The following PSG9 variants were observed in gnomAD, a reference collection of about 807,000 sequenced individuals.
The protein encoded by PSG9 is pregnancy-specific beta-1-glycoprotein 9.
In PSG9, 49 loss-of-function variants were observed where a neutral mutation model predicts 41.9. That is an observed-to-expected ratio of 1.17 (90% CI 0.93 to 1.48). The LOEUF (loss-of-function observed/expected upper bound fraction) is 1.48. Ranked by LOEUF, PSG9 falls within the 40% of genes most tolerant of loss-of-function variation. The pLI, the probability that PSG9 is intolerant of heterozygous loss-of-function variation, is 0.00. For synonymous variants in PSG9, 263 were observed against 196.8 expected (o/e 1.34, Z -2.82); for missense variants, 641 against 520.3 (o/e 1.23, Z -2.26).
intron 2 of PSG9, among the ~76,000 whole-genome samples, chr19:43,265,764 G>A (rs1016878337): frequency 5.3e-5 from 8 of 152,106 alleles, no homozygotes; most frequent in African/African-American, 1.9e-4. Context: ...ATGAGTGGAT[G>A]GAGGAACTGC....
At chr19:43,258,673 C>T (rs1338100074) in intron 4 of PSG9, among the ~76,000 whole-genome samples, 184 bp downstream of exon 4, 3 of 146,018 alleles carry the variant, frequency 2.1e-5, no homozygotes, top group Non-Finnish European at 4.5e-5. Context: ...GCATCCACTC[C>T]CCTTATATTC....
At position 43,269,097 on chromosome 19, in the gene PSG9, C is replaced by T. The variant is rs563302854; in HGVS notation, c.64+271G>A. Among the ~76,000 whole-genome samples, 197 of 152,098 alleles carry T rather than the reference C, an allele frequency of 1.3e-3. 2 individuals are homozygous for T. Among genetic ancestry groups the T allele is most frequent in the African/African-American group, 4.5e-3 (188 of 41,488 alleles). ...TCGGCTAGCTGCAACTTCTGCCTCC[C>T]GGGTTCACATGATTCTCCCACCTCA... On this transcript the variant is annotated intron_variant, in intron 1 of 5. Transcript: ENST00000270077.
rs759259936 is a variant in PSG9, at chr19:43,267,934, C to A, written c.280G>T (p.Ala94Ser). 5 of 1,613,698 alleles carry A rather than the reference C, an allele frequency of 3.1e-6. No homozygotes were observed. The Admixed American group carries it at 8.3e-5, about 27-fold the overall frequency. ...TATACTGTTTCTCTTCCACTGTATG[C>A]AGGCCCATATATAATTATTTTACCA... ...VDGKIIIYGPAYSGRETVYSN... is the reference protein window; with the variant it reads ...VDGKIIIYGPSYSGRETVYSN... Residue 94 changes from alanine (A) to serine (S), a missense_variant, in exon 2 of 6, where the codon GCA becomes TCA. Transcript: ENST00000270077.
chr19:43,268,637 G>A (rs1410350584), intron 1 of PSG9, among the ~76,000 whole-genome samples: 7 of 152,106 alleles, frequency 4.6e-5, no homozygotes, highest in South Asian at 4.1e-4. Context: ...CGTGAGCTCC[G>A]TGAGGACAGG....
intron 5 of PSG9, among the ~76,000 whole-genome samples, chr19:43,253,952 T>A (rs1968357127): frequency 6.8e-6 from 1 of 146,314 alleles, no homozygotes. Flanking sequence ...GTGTCTTCCC[T>A]GATAAATTAC....
chr19:43,268,319 ATGTGTG>A (rs894205511), intron 1 of PSG9, among the ~76,000 whole-genome samples, 170 bp from the exon 2 acceptor site: 4 of 151,982 alleles, frequency 2.6e-5, no homozygotes, highest in African/African-American at 9.7e-5. Flanking sequence ...GTGTATGTGT[ATGTGTG>A]TGTGTCCTAC....
At chr19:43,258,129 T>C (rs745646000) in intron 5 of PSG9, 73 bp downstream of exon 5, 1 of 1,590,966 alleles carries the variant, frequency 6.3e-7, no homozygotes, top group Non-Finnish European at 8.5e-7. Flanking sequence ...AAAAATGTTT[T>C]CCTGACTCTT....
chr19:43,258,585 G>A (rs1568412219), intron 4 of PSG9, 129 bp from the exon 5 acceptor site: 7 of 1,422,398 alleles, frequency 4.9e-6, no homozygotes, highest in South Asian at 1.5e-5. Context: ...GTCCCTCTAT[G>A]TTCACTGAGC....
chr19:43,258,461 A>C lies in PSG9; in HGVS notation c.989-5T>G, dbSNP rs1968544861. 1 of 1,557,630 alleles carries C rather than the reference A, an allele frequency of 6.4e-7. No homozygotes were observed. The highest frequency in any genetic ancestry group is 8.6e-7 in the Non-Finnish European group (1 of 1,159,486). ...TTCTGGGGAGGTCTGGACCATCTGG[A>C]GGAAAGAGAATAAAGCCACACGTGA... On this transcript the variant is annotated splice_polypyrimidine_tract_variant and splice_region_variant and intron_variant, in intron 4 of 5. Coordinates refer to ENST00000270077, the MANE Select transcript of PSG9 (RefSeq NM_002784.5).
At position 43,259,284 on chromosome 19, in the gene PSG9, A is replaced by T; in HGVS notation, c.710-149T>A. The T allele has an allele frequency of 2.2e-6, 3 of 1,337,624 alleles. No individual in the cohort carries two copies. The South Asian group carries it at 4.3e-5, about 19-fold the overall frequency. 82.9% of individuals were successfully genotyped at this position (1,337,624 alleles called of 1,614,324 possible). Reference sequence around the variant, plus strand: ...GGTGCGTGTGTCACAAGACAGATGCATGATGATCTAAGGGCTCAAAGACTG... The same window carrying T: ...GGTGCGTGTGTCACAAGACAGATGCTTGATGATCTAAGGGCTCAAAGACTG... On this transcript the variant is annotated intron_variant, in intron 3 of 5. Transcript: ENST00000270077.
rs201771100 is a variant in PSG9 at position 43,267,946 on chromosome 19, T to G, written c.268A>C (p.Ile90Leu). Residue 90 changes from isoleucine to leucine, a missense_variant, in exon 2 of 6, where the codon ATA (isoleucine) becomes CTA (leucine). By Grantham distance (5) the Ile-to-Leu change is conservative (BLOSUM62 2). Transcript: ENST00000270077. ...ISYIVDGKII[I>L]YGPAYSGRET... ...CTTCCACTGTATGCAGGCCCATATA[T>G]AATTATTTTACCATCAACTATATAC... 239 of 1,613,660 alleles carry G rather than the reference T, an allele frequency of 1.5e-4. 3 individuals are homozygous for G. Among genetic ancestry groups the G allele is most frequent in the Non-Finnish European group, 1.9e-4 (228 of 1,179,730 alleles).
In PSG9 at chr19:43,266,439, G is replaced by C. The variant is rs144277636; in HGVS notation, c.430+1345C>G. ...ATTATGTGAGAGCTCCTGAGTGTGT[G>C]TCTCTCGCTGGGCCTGTGCTGGTGT... On this transcript the variant is annotated intron_variant, in intron 2 of 5. Coordinates refer to ENST00000270077, the MANE Select transcript of PSG9 (RefSeq NM_002784.5). Among the ~76,000 whole-genome samples, 998 of 152,078 alleles carry C rather than the reference G, an allele frequency of 6.6e-3. 14 individuals carry two copies. The highest frequency in any genetic ancestry group is 0.023 in the African/African-American group (943 of 41,402).
intron 2 of PSG9, among the ~76,000 whole-genome samples, chr19:43,267,386 G>C (rs527709394): frequency 9.9e-5 from 15 of 152,238 alleles, no homozygotes; most frequent in Admixed American, 6.5e-4. Context: ...TTAGGGACAG[G>C]GGTCTGGGGT....
intron 5 of PSG9, 147 bp from the exon 6 acceptor site, chr19:43,253,793 G>C: frequency 1.8e-6 from 1 of 543,696 alleles, no homozygotes; most frequent in Non-Finnish European, 3.2e-6. Context: ...TGGCTGGTTG[G>C]AGGATTCCCC....
chr19:43,269,252 C>T (rs749925134), intron 1 of PSG9, 116 bp downstream of exon 1: 3 of 1,549,226 alleles, frequency 1.9e-6, no homozygotes, highest in African/African-American at 2.7e-5. Context: ...GATCCACCCA[C>T]CTCAGCCTCC....
rs188942732 is a variant in PSG9 at position 43,258,315 on chromosome 19, T to G, written c.1130A>C (p.Gln377Pro). 3 of 1,592,968 alleles carry G rather than the reference T, an allele frequency of 1.9e-6. 1 individual carries two copies. In the East Asian group the frequency reaches 8.0e-5, roughly 42 times the overall value. ...AGTAATTTGGGGGATAAAGAGCTTT[T>G]GTCCTGATTGCTGAAACTTCCCATT... is the stretch of plus-strand genomic sequence containing the variant. Reference protein sequence around the residue: ...TINGKFQQSGQKLFIPQITRN... With the variant: ...TINGKFQQSGPKLFIPQITRN... The change falls in exon 5 of 6, where the codon CAA becomes CCA. Residue 377 changes from glutamine to proline, a missense_variant. By Grantham distance (76) the Gln-to-Pro change is moderately conservative. Transcript: ENST00000270077.
chr19:43,263,383 T>C (rs1599833865), intron 2 of PSG9, among the ~76,000 whole-genome samples: 1 of 152,110 alleles, frequency 6.6e-6, no homozygotes, highest in Non-Finnish European at 1.5e-5. Flanking sequence ...CATGTACTGG[T>C]TTAGCATCCC....
rs779978942 is a variant in PSG9 at position 43,259,056 on chromosome 19, T to G, written c.789A>C (p.Glu263Asp). 9.4e-6 allele frequency: 15 copies of G among 1,590,352 alleles called. 2 individuals are homozygous for G. The highest frequency in any genetic ancestry group is 6.7e-5 in the South Asian group (6 of 89,852). ...TGTAGGTGTAGTTCTCACTCTTAGG[T>G]TCACAGGTGAAGGCTAAGACATCCT... ...ENKDVLAFTCEPKSENYTYIW... is the reference protein window; with the variant it reads ...ENKDVLAFTCDPKSENYTYIW... The change falls in exon 4 of 6, where the codon GAA (glutamate) becomes GAC (aspartate). Residue 263 changes from glutamate (E) to aspartate (D), a missense_variant. Transcript: ENST00000270077.
chr19:43,259,114 A>T lies in PSG9; in HGVS notation c.731T>A (p.Ile244Asn), dbSNP rs868186462. The change falls in exon 4 of 6, where the codon ATC becomes AAC. Residue 244 changes from isoleucine to asparagine, a missense_variant. Physicochemically the swap from Ile to Asn is moderately radical, Grantham distance 149. Transcript: ENST00000270077. ...NLLPKLPIPY[I>N]TINNLNPREN... ...CCTGGGGTTTAAGTTGTTGATGGTG[A>T]TGTAGGGGATGGGCAGCTTCGCTGT... 1.2e-5 allele frequency: 19 copies of T among 1,590,436 alleles called. 1 individual carries two copies. The African/African-American group carries it at 1.8e-4, about 15-fold the overall frequency.
Sources: allele counts gnomAD v4.1 joint callset (sites outside exome capture counted in the v4.1 genomes callset), GRCh38; gene constraint gnomAD v4.1.1; transcripts MANE v1.5; gene names NCBI Gene and HGNC (gene_info 2026-07-23, HGNC 2026-07-21).